Variants in NUDT16L1 observed in about 807,000 individuals in gnomAD.
NUDT16L1 encodes the protein nudix hydrolase 16 like 1.
In NUDT16L1, 19 loss-of-function variants were observed where a neutral mutation model predicts 17.3. That is an observed-to-expected ratio of 1.10 (90% CI 0.77 to 1.61). The LOEUF is 1.61. Among genes scored for constraint, NUDT16L1 ranks in the 40% most tolerant of loss-of-function variants. NUDT16L1 has a pLI of 0.00. For synonymous variants in NUDT16L1, 255 were observed against 138.6 expected (o/e 1.84, Z -5.90); for missense variants, 341 against 292.0 (o/e 1.17, Z -1.22).
At chr16:4,695,746 C>T (rs926403247) in exon 3 of NUDT16L1, 2 of 398,048 alleles carry the variant, frequency 5.0e-6, no homozygotes, top group Middle Eastern at 6.2e-4. Context: ...AGCTTCACCC[C>T]ACGTGGCTTG....
rs367716279 is a variant in NUDT16L1 at position 4,694,127 on chromosome 16, G to C, written c.303G>C (p.Leu101=). The C allele has an allele frequency of 1.9e-6, 3 of 1,589,602 alleles. No individual in the cohort carries two copies. The African/African-American group carries it at 4.1e-5, about 22-fold the overall frequency. Residue 101 remains leucine (L), a synonymous_variant, in exon 2 of 3, where the codon CTG becomes CTC. Transcript: ENST00000304301. The stretch of plus-strand genomic sequence containing the variant: ...AGGCCGACTACCTGAGCTCGCACCT[G>C]ACCGAGGGCCCACACCGCGTCGTGG...
Position 4,694,702 on chromosome 16 carries a change from C to T in NUDT16L1, c.415-256C>T, listed in dbSNP as rs961345715. ...GGGTGGACGGGGGGAGCATGGGGTG[C>T]GGACCCCGGGGTGGGGTGGCCTGGG... On this transcript the variant is annotated intron_variant, in intron 2 of 2. Coordinates refer to ENST00000304301, the Ensembl canonical transcript of NUDT16L1. 4.6e-6 allele frequency: 6 copies of T among 1,291,152 alleles called. No homozygotes were observed. The African/African-American group carries it at 5.4e-5, about 12-fold the overall frequency. 80.0% of individuals were successfully genotyped at this position (1,291,152 alleles called of 1,614,324 possible). A position where few individuals can be genotyped will look rare whatever the true frequency, so the allele number is the denominator to read the frequency against.
chr16:4,693,835 C>G, exon 1 of NUDT16L1: 1 of 1,564,850 alleles, frequency 6.4e-7, no homozygotes. Flanking sequence ...CGCCGCCAAC[C>G]CTGGGCAGCT....
exon 2 of NUDT16L1, chr16:4,694,175 G>C: frequency 6.3e-7 from 1 of 1,580,588 alleles, no homozygotes; most frequent in South Asian, 1.1e-5. Context: ...CGCGGCAGCT[G>C]ACGCTGGAGC....
chr16:4,693,624 A>C, upstream of NUDT16L1: 1 of 1,258,106 alleles, frequency 7.9e-7, no homozygotes, highest in Non-Finnish European at 1.0e-6. Context: ...TGGCGGGGGA[A>C]CCGGACCCGG....
Position 4,695,287 on chromosome 16 carries a change from C to T in NUDT16L1, c.*108C>T, listed in dbSNP as rs1056685304. On this transcript the variant is annotated 3_prime_UTR_variant, in exon 3 of 3. Transcript: ENST00000304301. Reference sequence around the variant, plus strand: ...GTACCCCGCTTCTGACTGCCTAGGGCGAGTGGGCATCCTGTCATCATCTCC... The same window carrying T: ...GTACCCCGCTTCTGACTGCCTAGGGTGAGTGGGCATCCTGTCATCATCTCC... 6.2e-6 allele frequency: 7 copies of T among 1,122,654 alleles called. No homozygotes were observed. The East Asian group carries it at 7.5e-5, about 12-fold the overall frequency. 69.5% of individuals were successfully genotyped at this position (1,122,654 alleles called of 1,614,324 possible).
At chr16:4,694,784 C>G (rs1316167912) in intron 2 of NUDT16L1, 174 bp from the exon 3 acceptor site, 1 of 1,435,928 alleles carries the variant, frequency 7.0e-7, no homozygotes, top group South Asian at 1.5e-5. Flanking sequence ...GAGGAGGGGG[C>G]TGCACTGCTC....
chr16:4,695,781 G>A (rs541824980), exon 3 of NUDT16L1: 5 of 395,212 alleles, frequency 1.3e-5, no homozygotes, highest in African/African-American at 2.1e-5. Context: ...TCAGGGCCTC[G>A]GGGGCCCAGC....
At chr16:4,695,059 GCTC>G (rs1255667173) in exon 3 of NUDT16L1, 2 of 1,613,536 alleles carry the variant, frequency 1.2e-6, no homozygotes, top group Non-Finnish European at 1.7e-6. Flanking sequence ...CTAAGTGCCA[GCTC>G]CTCTTTGCCC....
intron 2 of NUDT16L1, 54 bp downstream of exon 2, chr16:4,694,292 G>C: frequency 6.8e-7 from 1 of 1,477,398 alleles, no homozygotes; most frequent in East Asian, 2.6e-5. Flanking sequence ...CTCTGGCCCC[G>C]TGGAAGGCAC....
exon 3 of NUDT16L1, chr16:4,695,298 C>A: frequency 1.0e-6 from 1 of 1,001,014 alleles, no homozygotes; most frequent in Non-Finnish European, 1.5e-6. Flanking sequence ...GAGTGGGCAT[C>A]CTGTCATCAT....
intron 2 of NUDT16L1, 190 bp downstream of exon 2, chr16:4,694,428 C>A: frequency 6.7e-7 from 1 of 1,499,874 alleles, no homozygotes. Flanking sequence ...GGGGTGGGGG[C>A]CGGCGCTGGG....
intron 2 of NUDT16L1, 150 bp downstream of exon 2, chr16:4,694,388 T>TG (rs1253043957): frequency 7.4e-6 from 5 of 672,794 alleles, no homozygotes; most frequent in Non-Finnish European, 9.9e-6. Flanking sequence ...GAGAGGGGTC[T>TG]GGGGCTGGGA....
chr16:4,693,613 T>G, upstream of NUDT16L1: 1 of 1,214,410 alleles, frequency 8.2e-7, no homozygotes, highest in Non-Finnish European at 1.1e-6. Context: ...GCGCCGGCGA[T>G]TGGCGGGGGA....
In NUDT16L1 at chr16:4,693,896, G is replaced by T; in HGVS notation, c.153+17G>T. 6.7e-7 allele frequency: 1 copy of T among 1,487,244 alleles called. No homozygotes were observed. 92.1% of individuals were successfully genotyped at this position (1,487,244 alleles called of 1,614,324 possible). On this transcript the variant is annotated intron_variant, in intron 1 of 2. Transcript: ENST00000304301. Reference sequence around the variant, plus strand: ...TCGGTGCTGGTGAGGACGGGCGAGGGCGCGGGCGAGGGTGCCGGCGCGGGC... The same window carrying T: ...TCGGTGCTGGTGAGGACGGGCGAGGTCGCGGGCGAGGGTGCCGGCGCGGGC...
exon 1 of NUDT16L1, chr16:4,693,820 C>A: frequency 6.4e-7 from 1 of 1,571,648 alleles, no homozygotes; most frequent in Admixed American, 1.8e-5. Flanking sequence ...CCACGCCATG[C>A]TGTACGCCGC....
chr16:4,695,562 G>A (rs1048619275), exon 3 of NUDT16L1: 9 of 452,298 alleles, frequency 2.0e-5, no homozygotes, highest in Admixed American at 3.9e-5. Context: ...GTGGGTGGAG[G>A]ATGCCTTGTC....
exon 3 of NUDT16L1, chr16:4,695,254 G>C: frequency 6.8e-7 from 1 of 1,467,480 alleles, no homozygotes. Context: ...CTTCTAGAGT[G>C]TTTGTGTGTA....
Position 4,693,992 on chromosome 16 carries a change from C to T in NUDT16L1, c.168C>T (p.Phe56=), listed in dbSNP as rs373862957. The T allele has an allele frequency of 5.1e-6, 8 of 1,578,854 alleles. No homozygotes were observed. The Admixed American group carries it at 8.8e-5, about 17-fold the overall frequency. ...CTCCCTTGCAGATGCAGATGCGTTT[C>T]GACGGGCTGCTGGGCTTCCCCGGGG... The change falls in exon 2 of 3, where the codon TTC becomes TTT. Residue 56 remains phenylalanine, a synonymous_variant. Transcript: ENST00000304301.
Sources: allele counts gnomAD v4.1 joint callset, GRCh38; gene constraint gnomAD v4.1.1; transcripts MANE v1.5; gene names NCBI Gene and HGNC (gene_info 2026-07-23, HGNC 2026-07-21).